The following SLC25A36 variants were observed in gnomAD, a reference collection of about 807,000 sequenced individuals.
The protein encoded by SLC25A36 is solute carrier family 25 member 36.
A neutral mutation model predicts 35.3 loss-of-function variants in SLC25A36; 24 were observed. The ratio of observed to expected loss-of-function variants is 0.68; its 90% CI spans 0.49 to 0.96. The LOEUF is 0.96. Ranked by LOEUF, SLC25A36 falls within the 40% of genes least tolerant of loss-of-function variation. The pLI is 0.00. For synonymous variants in SLC25A36, 141 were observed against 132.2 expected, an observed-to-expected ratio of 1.07 and a Z score of -0.46; for missense variants, 294 against 381.1, an observed-to-expected ratio of 0.77 and a Z score of 1.90.
At chr3:140,974,735 G>A (rs1325106805) in intron 6 of SLC25A36, among the ~76,000 whole-genome samples, 5 of 151,938 alleles carry the variant, frequency 3.3e-5, no homozygotes, top group African/African-American at 9.7e-5. Context: ...TAATGTAAGC[G>A]CTTCATTTTT....
At chr3:140,960,949 C>G (rs1934612048) in intron 3 of SLC25A36, among the ~76,000 whole-genome samples, 1 of 152,122 alleles carries the variant, frequency 6.6e-6, no homozygotes, top group African/African-American at 2.4e-5. Context: ...CCTATTAAGC[C>G]AAAAGGACAT....
At chr3:140,961,938 T>A (rs998343313) in intron 3 of SLC25A36, among the ~76,000 whole-genome samples, 4 of 148,096 alleles carry the variant, frequency 2.7e-5, no homozygotes, top group African/African-American at 9.9e-5. Flanking sequence ...CTGGCTACTG[T>A]CCATCTTTTT....
At chr3:140,946,297 G>T (rs1283953099) in intron 1 of SLC25A36, among the ~76,000 whole-genome samples, 1 of 152,184 alleles carries the variant, frequency 6.6e-6, no homozygotes, top group East Asian at 1.9e-4. Flanking sequence ...GAGAGAATTA[G>T]CTATACAAAA....
In SLC25A36 at chr3:140,977,843, T is replaced by C. The variant is rs148826339; in HGVS notation, c.*1390T>C. ...CTGTACATTTTGTGCAATGGCTTTA[T>C]CTAAAAGAATGACGCTTCGTGAAAG... On this transcript the variant is annotated 3_prime_UTR_variant, in exon 7 of 7. Transcript: ENST00000324194. 1 of 152,112 alleles carries C rather than the reference T, an allele frequency of 6.6e-6. No individual in the cohort carries two copies. Among genetic ancestry groups the C allele is most frequent in the Non-Finnish European group, 1.5e-5 (1 of 67,992 alleles). The allele number at this position is 152,112 out of a possible 1,614,324, so 9.4% of individuals were successfully genotyped here. A position where few individuals can be genotyped will look rare whatever the true frequency, so the allele number is the denominator to read the frequency against.
chr3:140,970,330 G>A (rs1934868963), intron 4 of SLC25A36: 1 of 151,934 alleles, frequency 6.6e-6, no homozygotes, highest in African/African-American at 2.4e-5. Flanking sequence ...CGATAGGCCT[G>A]TCCTATTAAC....
At chr3:140,955,595 G>A (rs569515619) in intron 1 of SLC25A36, among the ~76,000 whole-genome samples, 1 of 152,280 alleles carries the variant, frequency 6.6e-6, no homozygotes, top group Admixed American at 6.5e-5. Flanking sequence ...CTGGTGATCA[G>A]TCCTTTTATT....
At position 140,963,245 on chromosome 3, in the gene SLC25A36, TAAAAAAA is replaced by T. The variant is rs74628590; in HGVS notation, c.385+26_385+32del. The T allele has an allele frequency of 8.5e-7, 1 of 1,176,362 alleles. No homozygotes were observed. The highest frequency in any genetic ancestry group is 2.8e-5 in the Admixed American group (1 of 35,970). The allele number at this position is 1,176,362 out of a possible 1,614,324, so 72.9% of individuals were successfully genotyped here. ...AATGGCAGGTATGAATGTATAATAT[TAAAAAAA>T]AAAAAAACTTTCTGAAACCTAGAGG... On this transcript the variant is annotated intron_variant, in intron 4 of 6. Coordinates refer to ENST00000324194, the MANE Select transcript of SLC25A36 (RefSeq NM_001104647.3).
intron 1 of SLC25A36, among the ~76,000 whole-genome samples, chr3:140,946,363 A>G (rs552230753): frequency 1.3e-5 from 2 of 152,268 alleles, no homozygotes; most frequent in East Asian, 1.9e-4. Context: ...TGAAGCAGGT[A>G]TGGCCAGAAT....
chr3:140,962,854 T>C (rs1478705636), intron 3 of SLC25A36, among the ~76,000 whole-genome samples: 1 of 152,008 alleles, frequency 6.6e-6, no homozygotes, highest in Non-Finnish European at 1.5e-5. Flanking sequence ...TTACCAAGTT[T>C]TAGTGAGTTA....
chr3:140,955,350 C>T (rs11718539), intron 1 of SLC25A36, among the ~76,000 whole-genome samples: 44,030 of 151,844 alleles, frequency 0.29, 11,261 homozygotes, highest in African/African-American at 0.69. Context: ...TGAAGGTCCA[C>T]GTTAACCTGA....
chr3:140,959,118 C>T (rs964687052), intron 2 of SLC25A36, among the ~76,000 whole-genome samples: 8 of 150,784 alleles, frequency 5.3e-5, no homozygotes, highest in Non-Finnish European at 1.2e-4. Context: ...CAAATTCAAG[C>T]GATTCTCCTA....
At chr3:140,960,114 C>G (rs1164098372) in intron 3 of SLC25A36, among the ~76,000 whole-genome samples, 1 of 152,138 alleles carries the variant, frequency 6.6e-6, no homozygotes, top group East Asian at 1.9e-4. Context: ...GAAATACTCT[C>G]GTAGCTAGTG....
At position 140,973,895 on chromosome 3, in the gene SLC25A36, C is replaced by T. The variant is rs756765430; in HGVS notation, c.632C>T (p.Ser211Phe). The change falls in exon 6 of 7, where the codon TCT (serine) becomes TTT (phenylalanine). Residue 211 changes from serine to phenylalanine, a missense_variant. Ser to Phe is a radical substitution (Grantham distance 155). Coordinates refer to ENST00000324194, the MANE Select transcript of SLC25A36 (RefSeq NM_001104647.3). ...KQKLLEYKTA[S>F]TMENDEESVK... Reference sequence around the variant, plus strand: ...AAACTACTGGAATATAAGACTGCTTCTACAATGGAAAATGATGAAGAGTCT... The same window carrying T: ...AAACTACTGGAATATAAGACTGCTTTTACAATGGAAAATGATGAAGAGTCT... 6.2e-7 allele frequency: 1 copy of T among 1,612,908 alleles called. No homozygotes were observed. Among genetic ancestry groups the T allele is most frequent in the Non-Finnish European group, 8.5e-7 (1 of 1,179,390 alleles).
rs10662120 is a variant in SLC25A36 at position 140,975,097 on chromosome 3, C to CTTTTTTTTTTTTTTTTTTTT, written c.742+1103_742+1122dup. On this transcript the variant is annotated intron_variant, in intron 6 of 6. Coordinates refer to ENST00000324194, the MANE Select transcript of SLC25A36 (RefSeq NM_001104647.3). Reference sequence around the variant, plus strand: ...GTACAGTTGATAAACAAGATACATTCTTTTTTTTTTTTTTTTTTTTTTTTT... The same window carrying CTTTTTTTTTTTTTTTTTTTT: ...GTACAGTTGATAAACAAGATACATTCTTTTTTTTTTTTTTTTTTTTTTTTTTTTTTTTTTTTTTTTTTTTT... Among the ~76,000 whole-genome samples, 23 of 55,220 alleles carry CTTTTTTTTTTTTTTTTTTTT rather than the reference C, an allele frequency of 4.2e-4. 7 individuals carry two copies. The highest frequency in any genetic ancestry group is 9.5e-4 in the East Asian group (2 of 2,100). 36.2% of individuals were successfully genotyped at this position (55,220 alleles called of 152,430 possible).
At chr3:140,967,882 G>A (rs1188201759) in intron 4 of SLC25A36, 17 of 626,548 alleles carry the variant, frequency 2.7e-5, no homozygotes, top group South Asian at 7.1e-5. Flanking sequence ...CCCTCATGTC[G>A]TCTTAAGTTC....
chr3:140,972,547 G>A (rs978657578), intron 5 of SLC25A36, among the ~76,000 whole-genome samples: 5 of 151,626 alleles, frequency 3.3e-5, no homozygotes, highest in African/African-American at 1.2e-4. Flanking sequence ...GAGGTGGGAG[G>A]ATTGCTTGAG....
In SLC25A36 at chr3:140,973,990, A is replaced by G. The variant is rs1056088849; in HGVS notation, c.727A>G (p.Ile243Val). Reference protein sequence around the residue: ...AATSKTCATTIAYPHEVVRTR... With the variant: ...AATSKTCATTVAYPHEVVRTR... ...CACCTCAAAAACTTGTGCCACAACT[A>G]TAGCATATCCACATGGTAAGAAGAG... Residue 243 changes from isoleucine (I) to valine (V), a missense_variant, in exon 6 of 7, where the codon ATA becomes GTA. This residue lies in a region of SLC25A36 where 109 missense variants were observed against 179.7 expected (regional missense o/e 0.61). Coordinates refer to ENST00000324194, the MANE Select transcript of SLC25A36 (RefSeq NM_001104647.3). The G allele has an allele frequency of 3.8e-6, 6 of 1,565,112 alleles. No individual in the cohort carries two copies. The highest frequency in any genetic ancestry group is 5.2e-6 in the Non-Finnish European group (6 of 1,150,746).
rs533657796 is a variant in SLC25A36 at position 140,955,232 on chromosome 3, T to C, written c.42-1295T>C. On this transcript the variant is annotated intron_variant, in intron 1 of 6. Coordinates refer to ENST00000324194, the MANE Select transcript of SLC25A36 (RefSeq NM_001104647.3). ...GGAGTGATATTAACATTGCCATGCC[T>C]GCTTTCCTTTATATATATGTGTGTG... Among the ~76,000 whole-genome samples the C allele has an allele frequency of 5.3e-5, 8 of 152,172 alleles. No individual in the cohort carries two copies. The South Asian group carries it at 6.2e-4, about 12-fold the overall frequency.
intron 1 of SLC25A36, among the ~76,000 whole-genome samples, chr3:140,951,738 G>A (rs183035018): frequency 2.6e-5 from 4 of 151,918 alleles, no homozygotes; most frequent in East Asian, 1.9e-4. Context: ...CAAATGATCC[G>A]GCTTCCTCGG....
Sources: gnomAD v4.1 joint callset for allele counts (sites outside exome capture counted in the v4.1 genomes callset) on GRCh38, gnomAD v4.1.1 for gene constraint, gnomAD v4.1.1 regional missense constraint, MANE v1.5 for transcripts, NCBI Gene and HGNC (gene_info 2026-07-23, HGNC 2026-07-21) for gene names.